ATP13A5: variants seen among roughly 807,000 people sequenced by gnomAD.
ATP13A5 encodes probable cation-transporting ATPase 13A5.
A neutral mutation model predicts 150.2 loss-of-function variants in ATP13A5; 149 were observed. That is an observed-to-expected ratio of 0.99 (90% CI 0.87 to 1.14). ATP13A5 has a LOEUF of 1.14. ATP13A5 is among the 50% of genes most tolerant of loss of function. The pLI is 0.00. For synonymous variants in ATP13A5, 497 were observed against 522.2 expected, an observed-to-expected ratio of 0.95 and a Z score of 0.66; for missense variants, 1,383 against 1,449.3, an observed-to-expected ratio of 0.95 and a Z score of 0.74.
intron 10 of ATP13A5, among the ~76,000 whole-genome samples, chr3:193,334,161 A>T (rs1208219198): frequency 6.6e-6 from 1 of 152,222 alleles, no homozygotes; most frequent in Non-Finnish European, 1.5e-5. Flanking sequence ...TTTTAATTTT[A>T]AAAAATCAGC....
chr3:193,352,429 A>G (rs993067286), intron 6 of ATP13A5, among the ~76,000 whole-genome samples: 1 of 152,208 alleles, frequency 6.6e-6, no homozygotes, highest in Non-Finnish European at 1.5e-5. Flanking sequence ...ACACTATTCT[A>G]ATTAATTCAG....
chr3:193,334,534 T>C (rs1271545359), intron 10 of ATP13A5, among the ~76,000 whole-genome samples: 1 of 152,186 alleles, frequency 6.6e-6, no homozygotes, highest in East Asian at 1.9e-4. Context: ...TGGAGTTCTT[T>C]ATTACTGAAT....
intron 25 of ATP13A5, among the ~76,000 whole-genome samples, chr3:193,291,920 A>G (rs1577328650): frequency 6.6e-6 from 1 of 152,114 alleles, no homozygotes; most frequent in African/African-American, 2.4e-5. Context: ...TGCAATCATA[A>G]GTATAACACT....
chr3:193,303,205 T>C (rs1577336182), intron 23 of ATP13A5, among the ~76,000 whole-genome samples: 2 of 152,240 alleles, frequency 1.3e-5, no homozygotes, highest in East Asian at 3.9e-4. Context: ...CATTCTCCAG[T>C]TACAACACTG....
chr3:193,334,036 T>C, intron 10 of ATP13A5, 129 bp from the exon 11 acceptor site: 1 of 813,872 alleles, frequency 1.2e-6, no homozygotes, highest in Non-Finnish European at 1.8e-6. Context: ...TTTTATAAGT[T>C]TTCAGGTGGT....
At chr3:193,369,723 T>C (rs576030623) in intron 1 of ATP13A5, among the ~76,000 whole-genome samples, 14 of 152,298 alleles carry the variant, frequency 9.2e-5, no homozygotes, top group Admixed American at 8.5e-4. Context: ...CCGTTATACA[T>C]GGTTCCTTGT....
At chr3:193,298,136 A>T (rs1718247340) in intron 25 of ATP13A5, among the ~76,000 whole-genome samples, 2 of 152,018 alleles carry the variant, frequency 1.3e-5, no homozygotes, top group South Asian at 4.1e-4. Flanking sequence ...CATGGCCTTC[A>T]CCTCCATGCT....
chr3:193,340,474 CTGA>C (rs1211254287), intron 9 of ATP13A5, among the ~76,000 whole-genome samples: 1 of 152,222 alleles, frequency 6.6e-6, no homozygotes, highest in Non-Finnish European at 1.5e-5. Context: ...GACCTATCAA[CTGA>C]TGATAAGCTC....
intron 5 of ATP13A5, among the ~76,000 whole-genome samples, chr3:193,359,151 C>T (rs7648423): frequency 0.43 from 65,306 of 151,916 alleles, 14,908 homozygotes; most frequent in African/African-American, 0.6. Context: ...GTTGAGACTA[C>T]GTTATTGGCT....
chr3:193,315,832 T>A (rs1719028905), intron 17 of ATP13A5, among the ~76,000 whole-genome samples: 1 of 151,124 alleles, frequency 6.6e-6, no homozygotes, highest in Non-Finnish European at 1.5e-5. Flanking sequence ...AATAAACATA[T>A]CCATCACCTC....
intron 25 of ATP13A5, among the ~76,000 whole-genome samples, chr3:193,294,529 C>T (rs1180705125): frequency 6.6e-6 from 1 of 151,946 alleles, no homozygotes; most frequent in African/African-American, 2.4e-5. Context: ...TATATTTTGT[C>T]TCTGTACATT....
chr3:193,278,340 A>G (rs538732204), intron 28 of ATP13A5, among the ~76,000 whole-genome samples: 1 of 152,186 alleles, frequency 6.6e-6, no homozygotes, highest in South Asian at 2.1e-4. Context: ...AAGCCTGCTC[A>G]GATAGCTTCA....
At chr3:193,355,615 C>T (rs1712752684) in intron 5 of ATP13A5, among the ~76,000 whole-genome samples, 1 of 152,178 alleles carries the variant, frequency 6.6e-6, no homozygotes, top group South Asian at 2.1e-4. Context: ...AAACCGAGGT[C>T]TTCTGACTCC....
Position 193,367,623 on chromosome 3 carries a change from G to A in ATP13A5, c.64-3343C>T, listed in dbSNP as rs144000383. On this transcript the variant is annotated intron_variant, in intron 1 of 29. Coordinates refer to ENST00000342358, the MANE Select transcript of ATP13A5 (RefSeq NM_198505.4). ...AAATCAATGATATATTAAAAGTTTA[G>A]TACATCACTACCAAATAATGTTTGT... Among the ~76,000 whole-genome samples the A allele has an allele frequency of 7.6e-3, 1,157 of 152,128 alleles. 17 individuals carry two copies. The highest frequency in any genetic ancestry group is 0.027 in the African/African-American group (1,101 of 41,534).
chr3:193,280,646 G>T (rs1020219388), intron 27 of ATP13A5, among the ~76,000 whole-genome samples: 1 of 152,164 alleles, frequency 6.6e-6, no homozygotes, highest in Non-Finnish European at 1.5e-5. Context: ...CAGCATCTCT[G>T]TTCTTATTTC....
At chr3:193,294,616 T>C (rs1027538448) in intron 25 of ATP13A5, among the ~76,000 whole-genome samples, 1 of 152,040 alleles carries the variant, frequency 6.6e-6, no homozygotes, top group Non-Finnish European at 1.5e-5. Flanking sequence ...GATGGTATTG[T>C]CTCTTCCCAG....
chr3:193,372,490 A>T (rs1713482934), intron 1 of ATP13A5, among the ~76,000 whole-genome samples: 1 of 152,126 alleles, frequency 6.6e-6, no homozygotes. Flanking sequence ...TCCTCCAAAT[A>T]CACTATACTT....
intron 1 of ATP13A5, among the ~76,000 whole-genome samples, chr3:193,378,045 G>A (rs1431531440): frequency 6.6e-6 from 1 of 150,548 alleles, no homozygotes; most frequent in Non-Finnish European, 1.5e-5. Flanking sequence ...AAACACTATA[G>A]TTTTCAACTT....
At chr3:193,334,107 C>T (rs1208244308) in intron 10 of ATP13A5, among the ~76,000 whole-genome samples, 200 bp from the exon 11 acceptor site, 4 of 152,158 alleles carry the variant, frequency 2.6e-5, no homozygotes, top group Non-Finnish European at 5.9e-5. Flanking sequence ...GCTCTAGTGT[C>T]TAGTGCCTGC....
Sources: allele counts gnomAD v4.1 joint callset (sites outside exome capture counted in the v4.1 genomes callset), GRCh38; gene constraint gnomAD v4.1.1; transcripts MANE v1.5; gene names NCBI Gene and HGNC (gene_info 2026-07-23, HGNC 2026-07-21).